The following NUDCD1 variants were observed in gnomAD, a reference collection of about 807,000 sequenced individuals.
The protein encoded by NUDCD1 is nudC domain-containing protein 1.
In NUDCD1, 60 loss-of-function variants were observed where a neutral mutation model predicts 67.8. The observed-to-expected ratio is 0.88, with a 90% CI of 0.72 to 1.10. NUDCD1 has a LOEUF of 1.10. Ranked by LOEUF, NUDCD1 falls within the 50% of genes least tolerant of loss-of-function variation. The pLI, the probability that NUDCD1 is intolerant of heterozygous loss-of-function variation, is 0.00. For missense variants in NUDCD1, 643 were observed against 695.0 expected (o/e 0.93, Z 0.84); for synonymous variants, 244 against 230.8 (o/e 1.06, Z -0.52).
At chr8:109,255,417 A>C (rs1178831014) in intron 8 of NUDCD1, among the ~76,000 whole-genome samples, 4 of 152,250 alleles carry the variant, frequency 2.6e-5, no homozygotes, top group Non-Finnish European at 5.9e-5. Context: ...GCATAGGAAG[A>C]TGTCAGATCT....
intron 5 of NUDCD1, among the ~76,000 whole-genome samples, chr8:109,287,246 A>G (rs1272303379): frequency 1.3e-5 from 2 of 152,204 alleles, no homozygotes; most frequent in African/African-American, 4.8e-5. Flanking sequence ...CAAAGAACTT[A>G]AAACAGAACT....
chr8:109,281,233 A>G, intron 5 of NUDCD1, 61 bp from the exon 6 acceptor site: 2 of 1,078,720 alleles, frequency 1.9e-6, no homozygotes, highest in Non-Finnish European at 2.8e-6. Context: ...ACACACACAC[A>G]AAACCTATCT....
rs369486255 is a variant in NUDCD1, at chr8:109,290,018, A to T, written c.641-85T>A. 2.4e-4 allele frequency: 145 copies of T among 609,120 alleles called. 1 individual carries two copies. In the South Asian group the frequency reaches 4.2e-3, roughly 18 times the overall value. The allele number at this position is 609,120 out of a possible 1,614,324, so 37.7% of individuals were successfully genotyped here. A position where few individuals can be genotyped will look rare whatever the true frequency, so the allele number is the denominator to read the frequency against. ...TGATATTTAAAAATTGATTTTAATTATAATTAAATAATTTGAATGTATTAT... is the reference window on the plus strand; with the variant it reads ...TGATATTTAAAAATTGATTTTAATTTTAATTAAATAATTTGAATGTATTAT... On this transcript the variant is annotated intron_variant, in intron 4 of 9. Transcript: ENST00000239690.
intron 2 of NUDCD1, among the ~76,000 whole-genome samples, chr8:109,318,978 G>T (rs1479544514): frequency 2.4e-5 from 3 of 126,546 alleles, no homozygotes; most frequent in African/African-American, 5.8e-5. Context: ...TTTTTTTTGA[G>T]ACGGACTCTT....
At chr8:109,297,594 C>A (rs1408203399) in intron 2 of NUDCD1, among the ~76,000 whole-genome samples, 1 of 152,154 alleles carries the variant, frequency 6.6e-6, no homozygotes, top group Admixed American at 6.5e-5. Context: ...ATGTTCAAGG[C>A]ATCATCTTAG....
intron 2 of NUDCD1, among the ~76,000 whole-genome samples, chr8:109,310,619 G>T (rs564633289): frequency 6.6e-6 from 1 of 152,074 alleles, no homozygotes; most frequent in African/African-American, 2.4e-5. Flanking sequence ...ATAAACAGCT[G>T]GGACTTAATT....
chr8:109,263,776 A>G (rs959902191), intron 8 of NUDCD1, among the ~76,000 whole-genome samples: 3 of 152,154 alleles, frequency 2.0e-5, no homozygotes, highest in Admixed American at 2.0e-4. Flanking sequence ...AACTATTTTC[A>G]TAGTAATACT....
chr8:109,318,534 A>C (rs1229187199), intron 2 of NUDCD1, among the ~76,000 whole-genome samples: 6 of 152,216 alleles, frequency 3.9e-5, no homozygotes, highest in Non-Finnish European at 8.8e-5. Flanking sequence ...GCTTATACAC[A>C]TTGGGCCTAG....
intron 2 of NUDCD1, chr8:109,316,456 T>C (rs544856079): frequency 1.4e-4 from 21 of 152,308 alleles, no homozygotes; most frequent in African/African-American, 5.1e-4. Flanking sequence ...GGTGGTCATT[T>C]GTACATCAGT....
At chr8:109,251,212 C>T (rs532925376) in intron 8 of NUDCD1, among the ~76,000 whole-genome samples, 45 of 139,420 alleles carry the variant, frequency 3.2e-4, no homozygotes, top group South Asian at 2.9e-3. Context: ...CTCGCTCTGT[C>T]GCCCAGGCTG....
chr8:109,242,205 A>G lies in NUDCD1; in HGVS notation c.*804T>C, dbSNP rs143386706. ...AATGGAACATTAGTAAATATGATAG[A>G]TGTACAGGATCGATAAGCTCTTGCA... On this transcript the variant is annotated 3_prime_UTR_variant, in exon 10 of 10. Coordinates refer to ENST00000239690, the MANE Select transcript of NUDCD1 (RefSeq NM_032869.4). 527 of 397,576 alleles carry G rather than the reference A, an allele frequency of 1.3e-3. 4 individuals are homozygous for G. In the South Asian group the frequency reaches 0.016, roughly 12 times the overall value. The allele number at this position is 397,576 out of a possible 1,614,324, so 24.6% of individuals were successfully genotyped here.
chr8:109,277,674 T>G (rs894914510), intron 6 of NUDCD1, among the ~76,000 whole-genome samples: 2 of 152,144 alleles, frequency 1.3e-5, no homozygotes, highest in Admixed American at 1.3e-4. Flanking sequence ...CACCTCAAAT[T>G]TAATGGAAAA....
chr8:109,329,288 A>C (rs916464070), intron 1 of NUDCD1, among the ~76,000 whole-genome samples: 3 of 152,186 alleles, frequency 2.0e-5, no homozygotes, highest in Non-Finnish European at 2.9e-5. Flanking sequence ...GGAGAAAAGG[A>C]GGGGAAAAAG....
intron 2 of NUDCD1, among the ~76,000 whole-genome samples, chr8:109,314,953 A>C (rs1218962287): frequency 6.6e-6 from 1 of 152,124 alleles, no homozygotes; most frequent in Non-Finnish European, 1.5e-5. Context: ...TAAAAAAATA[A>C]GCAAGTGGGG....
chr8:109,261,272 C>T (rs1047458765), intron 8 of NUDCD1, among the ~76,000 whole-genome samples: 5 of 152,002 alleles, frequency 3.3e-5, no homozygotes, highest in Non-Finnish European at 7.4e-5. Context: ...AAAAATTACA[C>T]AAGGACTACA....
At chr8:109,261,871 G>C (rs755367591) in intron 8 of NUDCD1, among the ~76,000 whole-genome samples, 31 of 151,790 alleles carry the variant, frequency 2.0e-4, no homozygotes, top group Non-Finnish European at 1.6e-4. Context: ...GGACTCACAG[G>C]GCCTCACTAT....
intron 8 of NUDCD1, among the ~76,000 whole-genome samples, chr8:109,248,256 A>C (rs1016010105): frequency 1.3e-5 from 2 of 152,150 alleles, no homozygotes; most frequent in Non-Finnish European, 2.9e-5. Context: ...GTCCCTACAA[A>C]CCACTTTAGG....
At chr8:109,299,421 G>GGAGT (rs1293138646) in intron 2 of NUDCD1, among the ~76,000 whole-genome samples, 6 of 152,128 alleles carry the variant, frequency 3.9e-5, no homozygotes, top group Non-Finnish European at 7.4e-5. Context: ...AGGCATGTTG[G>GGAGT]GAGTGAGACA....
At chr8:109,281,540 AAT>A (rs1220284816) in intron 5 of NUDCD1, among the ~76,000 whole-genome samples, 24 of 152,272 alleles carry the variant, frequency 1.6e-4, no homozygotes, top group African/African-American at 5.5e-4. Flanking sequence ...AAGAACATAA[AAT>A]ATGTTACCCA....
Sources: allele counts gnomAD v4.1 joint callset (sites outside exome capture counted in the v4.1 genomes callset), GRCh38; gene constraint gnomAD v4.1.1; transcripts MANE v1.5; gene names NCBI Gene and HGNC (gene_info 2026-07-23, HGNC 2026-07-21).